C4orf51: variants seen among roughly 807,000 people sequenced by gnomAD.
C4orf51 encodes the protein chromosome 4 open reading frame 51, also known as uncharacterized protein C4orf51.
Under a neutral mutation model 25.2 loss-of-function variants are expected in C4orf51, and 25 were observed. The ratio of observed to expected loss-of-function variants is 0.99; its 90% CI spans 0.72 to 1.39. C4orf51 has a LOEUF of 1.39. C4orf51 is among the 40% of genes most tolerant of loss of function. C4orf51 has a pLI of 0.00. For missense variants in C4orf51, 252 were observed against 239.6 expected, an observed-to-expected ratio of 1.05 and a Z score of -0.34; for synonymous variants, 100 against 84.5, an observed-to-expected ratio of 1.18 and a Z score of -1.01.
intron 5 of C4orf51, among the ~76,000 whole-genome samples, chr4:145,730,897 C>CT (rs1158827806): frequency 6.6e-6 from 1 of 152,180 alleles, no homozygotes; most frequent in African/African-American, 2.4e-5. Context: ...GGCAACCAGT[C>CT]TATTTTAATG....
chr4:145,707,789 G>C (rs1224911782), intron 2 of C4orf51, among the ~76,000 whole-genome samples: 3 of 152,176 alleles, frequency 2.0e-5, no homozygotes, highest in Non-Finnish European at 2.9e-5. Flanking sequence ...AAGGAGATTA[G>C]CACAGAGTAG....
At chr4:145,693,287 G>T (rs1003329105) in intron 1 of C4orf51, among the ~76,000 whole-genome samples, 1 of 150,606 alleles carries the variant, frequency 6.6e-6, no homozygotes, top group African/African-American at 2.4e-5. Context: ...ATCTTGCACC[G>T]CCCTTAATCC....
At chr4:145,699,669 C>T (rs964172099) in intron 2 of C4orf51, among the ~76,000 whole-genome samples, 6 of 152,368 alleles carry the variant, frequency 3.9e-5, no homozygotes, top group Middle Eastern at 3.4e-3. Context: ...TATCTACCCA[C>T]GTTTCAAGAG....
chr4:145,765,253 C>T lies in C4orf51; in HGVS notation n.167-5735C>T. The T allele has an allele frequency of 7.2e-7, 1 of 1,387,480 alleles. No homozygotes were observed. The highest frequency in any genetic ancestry group is 1.5e-5 in the South Asian group (1 of 68,644). 85.9% of individuals were successfully genotyped at this position (1,387,480 alleles called of 1,614,324 possible). On this transcript the variant is annotated intron_variant and non_coding_transcript_variant, in intron 1 of 1. Coordinates refer to the C4orf51 transcript ENST00000510096. The surrounding 1 kb of genome is among the most constrained non-coding windows in gnomAD (Gnocchi z 4.7). ...GAGCCAAGCTCCTCCCCACTTCCTC[C>T]CGCCTCCTCCGACGCCTGACAGCTA...
the C4orf51 span, among the ~76,000 whole-genome samples, chr4:145,785,481 T>A: frequency 1.3e-5 from 2 of 152,132 alleles, no homozygotes; most frequent in Non-Finnish European, 2.9e-5. Context: ...AATTTGTTCA[T>A]TTTCAGGAGG....
At chr4:145,696,338 T>C (rs1239641950) in intron 1 of C4orf51, among the ~76,000 whole-genome samples, 4 of 151,982 alleles carry the variant, frequency 2.6e-5, no homozygotes, top group Non-Finnish European at 5.9e-5. Flanking sequence ...CAGAACAAAA[T>C]TGCTATCGGG....
chr4:145,740,185 C>T (rs1296400884), intron 1 of C4orf51, among the ~76,000 whole-genome samples: 2 of 135,122 alleles, frequency 1.5e-5, no homozygotes, highest in African/African-American at 5.8e-5. Context: ...AGGGCTCTAT[C>T]TGTATCCAGA....
intron 1 of C4orf51, among the ~76,000 whole-genome samples, chr4:145,768,164 A>C (rs1735602572): frequency 6.6e-6 from 1 of 152,184 alleles, no homozygotes; most frequent in African/African-American, 2.4e-5. Flanking sequence ...TGATAAACTA[A>C]AGATGTACTC....
chr4:145,781,434 G>A, the C4orf51 span, among the ~76,000 whole-genome samples: 1 of 152,138 alleles, frequency 6.6e-6, no homozygotes, highest in Non-Finnish European at 1.5e-5. Flanking sequence ...GAAATGGGAG[G>A]AGGGGAAATG....
chr4:145,726,237 C>T (rs569241692), intron 2 of C4orf51, among the ~76,000 whole-genome samples: 73 of 152,278 alleles, frequency 4.8e-4, no homozygotes, highest in African/African-American at 1.6e-3. Context: ...TATTTTAACA[C>T]ATGTATACAA....
At chr4:145,705,052 A>G (rs1730709227) in intron 2 of C4orf51, among the ~76,000 whole-genome samples, 1 of 152,194 alleles carries the variant, frequency 6.6e-6, no homozygotes. Context: ...GGCTGTCTGC[A>G]CTTGCAGTGG....
At chr4:145,709,682 A>G (rs771990537) in intron 2 of C4orf51, among the ~76,000 whole-genome samples, 5 of 152,228 alleles carry the variant, frequency 3.3e-5, no homozygotes, top group Admixed American at 2.6e-4. Context: ...AGGCAGCATC[A>G]GTTTTTTGGG....
Position 145,751,348 on chromosome 4 carries a change from CG to C in C4orf51, n.168-2856del, listed in dbSNP as rs143765397. On this transcript the variant is annotated intron_variant and non_coding_transcript_variant, in intron 1 of 1. Coordinates refer to the C4orf51 transcript ENST00000508981. ...TGTGATCTAATTTGTATCTGCATTA[CG>C]GGACTCCTCCAGCCCAATAATGCTA... 1.5e-3 allele frequency among the ~76,000 whole-genome samples: 225 copies of C among 152,250 alleles called. 2 individuals are homozygous for C. In the East Asian group the frequency reaches 0.04, roughly 27 times the overall value.
Position 145,767,738 on chromosome 4 carries a change from C to T in C4orf51, n.167-3250C>T, listed in dbSNP as rs1364048129. ...TTTAAAGTACTGAAAGATACACTGT[C>T]AACCTAAAATCTTATACCCAGTGAA... On this transcript the variant is annotated intron_variant and non_coding_transcript_variant, in intron 1 of 1. Coordinates refer to the C4orf51 transcript ENST00000510096. 2.6e-5 allele frequency among the ~76,000 whole-genome samples: 4 copies of T among 152,244 alleles called. No individual in the cohort carries two copies. The East Asian group carries it at 7.7e-4, about 29-fold the overall frequency.
At position 145,765,226 on chromosome 4, in the gene C4orf51, T is replaced by C; in HGVS notation, n.167-5762T>C. On this transcript the variant is annotated intron_variant and non_coding_transcript_variant, in intron 1 of 1. Transcript: ENST00000510096. This position sits in a 1 kb window ranked among gnomAD's most constrained non-coding sequence, Gnocchi z 4.7. Reference sequence around the variant, plus strand: ...GGCAGCGGGGAGAGGAGGGCAGGAGTGGAGCCAAGCTCCTCCCCACTTCCT... The same window carrying C: ...GGCAGCGGGGAGAGGAGGGCAGGAGCGGAGCCAAGCTCCTCCCCACTTCCT... 1 of 1,499,198 alleles carries C rather than the reference T, an allele frequency of 6.7e-7. No homozygotes were observed. Among genetic ancestry groups the C allele is most frequent in the Non-Finnish European group, 8.9e-7 (1 of 1,117,792 alleles). 92.9% of individuals were successfully genotyped at this position (1,499,198 alleles called of 1,614,324 possible). A position where few individuals can be genotyped will look rare whatever the true frequency, so the allele number is the denominator to read the frequency against.
At chr4:145,787,047 A>G in the C4orf51 span, among the ~76,000 whole-genome samples, 24 of 152,174 alleles carry the variant, frequency 1.6e-4, no homozygotes, top group Non-Finnish European at 3.2e-4. Flanking sequence ...TAGGCTCCCT[A>G]TGACCACCTC....
At chr4:145,768,858 CAAAAAAAAAAAAAA>C (rs1174930111) in intron 1 of C4orf51, among the ~76,000 whole-genome samples, 3 of 4,532 alleles carry the variant, frequency 6.6e-4, no homozygotes, top group Non-Finnish European at 9.2e-4. Context: ...GACTCCGTCT[CAAAAAAAAAAAAAA>C]AAAAAAAAAA....
chr4:145,680,381 T>C lies in C4orf51; in HGVS notation c.178T>C (p.Ser60Pro). 1 of 1,613,950 alleles carries C rather than the reference T, an allele frequency of 6.2e-7. No homozygotes were observed. ...TTACCGGAAAAAACAACTGGACAAG[T>C]CCATGTGCAGCCAATTTTCTTTTAG... ...GSYRKKQLDK[S>P]MCSQFSFRAG... The change falls in exon 1 of 6, where the codon TCC (serine) becomes CCC (proline). Residue 60 changes from serine to proline, a missense_variant. Ser to Pro is a moderately conservative substitution (Grantham distance 74, BLOSUM62 -1). Transcript: ENST00000438731.
Position 145,694,632 on chromosome 4 carries a change from G to A in C4orf51, c.234-1927G>A, listed in dbSNP as rs1400860861. On this transcript the variant is annotated intron_variant, in intron 1 of 5. Transcript: ENST00000438731. ...GCCCCCCCGCCTGGCCAGCCGCCCC[G>A]TCCGGGAGGGAGGTGGGGGGGTCAG... 2.3e-4 allele frequency among the ~76,000 whole-genome samples: 20 copies of A among 85,874 alleles called. 1 individual carries two copies. The highest frequency in any genetic ancestry group is 2.6e-4 in the Admixed American group (2 of 7,768). 56.3% of individuals were successfully genotyped at this position (85,874 alleles called of 152,430 possible).
Sources: gnomAD v4.1 joint callset for allele counts (sites outside exome capture counted in the v4.1 genomes callset) on GRCh38, gnomAD v4.1.1 for gene constraint, Gnocchi (gnomAD v3.1) non-coding constraint, MANE v1.5 for transcripts, NCBI Gene and HGNC (gene_info 2026-07-23, HGNC 2026-07-21) for gene names.